S100A5: variants seen among roughly 807,000 people sequenced by gnomAD.
S100A5 encodes the protein protein S100-A5.
In S100A5, 5 loss-of-function variants were observed where a neutral mutation model predicts 6.7. That is an observed-to-expected ratio of 0.75 (90% CI 0.39 to 1.57). S100A5 has a LOEUF of 1.57. S100A5 is among the 40% of genes most tolerant of loss of function. The probability of loss-of-function intolerance (pLI) is 0.03; values close to 1 mark genes in which losing one functional copy is unlikely to be tolerated. For synonymous variants in S100A5, 49 were observed against 44.9 expected (o/e 1.09, Z -0.37); for missense variants, 129 against 110.8 (o/e 1.16, Z -0.74).
upstream of S100A5, chr1:153,543,400 C>A: frequency 5.2e-6 from 3 of 576,322 alleles, no homozygotes; most frequent in Non-Finnish European, 6.6e-6. Context: ...CAAACCTTGG[C>A]AGGGGGGTGG....
intron 2 of S100A5, 22 bp from the exon 3 acceptor site, chr1:153,537,458 A>G (rs774521985): frequency 8.1e-6 from 13 of 1,613,042 alleles, no homozygotes; most frequent in South Asian, 3.3e-5. Context: ...CCAGGTGGAG[A>G]GACAGCTCAG....
chr1:153,540,472 C>T (rs1017296945), intron 1 of S100A5, 149 bp downstream of exon 1: 1 of 296,768 alleles, frequency 3.4e-6, no homozygotes, highest in Non-Finnish European at 6.3e-6. Context: ...AGGCCTGAGG[C>T]AGAAAGATGA....
chr1:153,542,617 C>G (rs562710665), upstream of S100A5, among the ~76,000 whole-genome samples: 1 of 152,260 alleles, frequency 6.6e-6, no homozygotes, highest in Admixed American at 6.5e-5. Flanking sequence ...TGGGACAAAG[C>G]CCTCCAGCCT....
upstream of S100A5, chr1:153,541,883 G>A (rs1665402077): frequency 9.9e-6 from 10 of 1,009,122 alleles, no homozygotes; most frequent in Non-Finnish European, 1.1e-5. Context: ...GGGATCAGTG[G>A]AGGAAGATAT....
intron 2 of S100A5, among the ~76,000 whole-genome samples, chr1:153,537,912 TG>T (rs1441921246): frequency 2.0e-5 from 3 of 151,996 alleles, no homozygotes; most frequent in Admixed American, 2.0e-4. Context: ...CCAGGCATGG[TG>T]GTACATCCCT....
upstream of S100A5, among the ~76,000 whole-genome samples, chr1:153,543,417 G>A (rs1665450147): frequency 6.6e-6 from 1 of 152,090 alleles, no homozygotes; most frequent in Admixed American, 6.5e-5. Context: ...GTGGTGAGGG[G>A]TCCCCTTCTC....
rs1665347025 is a variant in S100A5, at chr1:153,540,381, C to T, written c.-14-176G>A. Among the ~76,000 whole-genome samples, 3 of 152,172 alleles carry T rather than the reference C, an allele frequency of 2.0e-5. No individual in the cohort carries two copies. The South Asian group carries it at 6.2e-4, about 31-fold the overall frequency. On this transcript the variant is annotated intron_variant, in intron 1 of 2. Transcript: ENST00000368717. ...AGGTTACAATGAGACCCACAACAAA[C>T]TCTGGAGCTGCTGGTACAAGGAGAA...
upstream of S100A5, chr1:153,541,432 C>T: frequency 1.5e-6 from 2 of 1,367,852 alleles, no homozygotes; most frequent in South Asian, 1.1e-5. Flanking sequence ...CATAGCCTCC[C>T]TCTCACTGCC....
Position 153,537,274 on chromosome 1 carries a change from T to C in S100A5, c.*22A>G. ...GAGGTCAGCAGCAAAGGGTGGAGGG[T>C]GAGGGTGGAGGGCAGCCCTGGTCAC... On this transcript the variant is annotated 3_prime_UTR_variant, in exon 3 of 3. Coordinates refer to ENST00000368717, the MANE Select transcript of S100A5 (RefSeq NM_001394232.1). 1.2e-6 allele frequency: 2 copies of C among 1,605,094 alleles called. No individual in the cohort carries two copies. The highest frequency in any genetic ancestry group is 8.5e-7 in the Non-Finnish European group (1 of 1,173,100).
upstream of S100A5, chr1:153,543,575 T>A: frequency 3.1e-6 from 2 of 647,954 alleles, no homozygotes; most frequent in South Asian, 1.9e-5. Context: ...AACATATCCC[T>A]CAGTCCCCAA....
At chr1:153,541,293 C>G (rs1414812503), upstream of S100A5, 1 of 1,067,472 alleles carries the variant, frequency 9.4e-7, no homozygotes. Context: ...GCCAGGCCTC[C>G]TTGGTGGAGG....
upstream of S100A5, chr1:153,543,601 TCTCTC>T (rs1665454942): frequency 1.3e-6 from 1 of 762,064 alleles, no homozygotes. Flanking sequence ...GCCCCCAGAG[TCTCTC>T]AAACCATCAG....
Position 153,540,151 on chromosome 1 carries a change from G to A in S100A5, c.41C>T (p.Thr14Ile), listed in dbSNP as rs768822698. ...TCTCCCCGAATATTTGTGAAACGTG[G>A]TCACCATAGTGGTCAGGGCCTTCTC... ...PLEKALTTMV[T>I]TFHKYSGREG... is the part of the protein sequence containing the mutation. Residue 14 changes from threonine to isoleucine, a missense_variant, in exon 2 of 3, where the codon ACC becomes ATC. Coordinates refer to ENST00000368717, the MANE Select transcript of S100A5 (RefSeq NM_001394232.1). 2.5e-6 allele frequency: 4 copies of A among 1,614,112 alleles called. No individual in the cohort carries two copies. The South Asian group carries it at 4.4e-5, about 18-fold the overall frequency.
upstream of S100A5, chr1:153,543,115 G>A: frequency 1.9e-6 from 1 of 534,928 alleles, no homozygotes; most frequent in Non-Finnish European, 2.4e-6. Context: ...TGATCTGGAA[G>A]TGGGTGGCAG....
In S100A5 at chr1:153,537,311, T is replaced by C. The variant is rs981844435; in HGVS notation, c.264A>G (p.Leu88=). 5.0e-6 allele frequency: 8 copies of C among 1,613,782 alleles called. No homozygotes were observed. The South Asian group carries it at 6.6e-5, about 13-fold the overall frequency. The stretch of plus-strand genomic sequence containing the variant: ...GCAGCCCTGGTCACTTGTTGTCCTC[T>C]AGAAAGAAGTCGTTGTAGGCCATGC... ...MLCMAYNDFF[L]EDNK The change falls in exon 3 of 3, where the codon CTA becomes CTG. Residue 88 remains leucine, a synonymous_variant. Transcript: ENST00000368717.
rs908514077 is a variant in S100A5, at chr1:153,537,399, A to G, written c.176T>C (p.Leu59Pro). 2.5e-6 allele frequency: 4 copies of G among 1,614,014 alleles called. No individual in the cohort carries two copies. The highest frequency in any genetic ancestry group is 3.4e-6 in the Non-Finnish European group (4 of 1,180,024). The change falls in exon 3 of 3, where the codon CTG becomes CCG. Residue 59 changes from leucine (L) to proline (P), a missense_variant. By Grantham distance (98) the Leu-to-Pro change is moderately conservative. Transcript: ENST00000368717. ...GATCTCCTGGTCGCTGTTCTTGTCC[A>G]GGCTCTTCATCAAGTCATCGATGCT... ...ESSIDDLMKSLDKNSDQEIDF... is the reference protein window; with the variant it reads ...ESSIDDLMKSPDKNSDQEIDF...
At chr1:153,541,516 G>C, upstream of S100A5, 1 of 1,347,204 alleles carries the variant, frequency 7.4e-7, no homozygotes, top group Non-Finnish European at 9.9e-7. Context: ...AGTTGTTGGG[G>C]ACTTGAGGAT....
rs758052107 is a variant in S100A5 at position 153,537,423 on chromosome 1, C to G, written c.152G>C (p.Ser51Thr). The change falls in exon 3 of 3, where the codon AGC (serine) becomes ACC (threonine). Residue 51 changes from serine (S) to threonine (T), a missense_variant. Physicochemically the swap from Ser to Thr is moderately conservative, Grantham distance 58. Transcript: ENST00000368717. ...ELCLGEMKES[S>T]IDDLMKSLDK... ...CAGGCTCTTCATCAAGTCATCGATGCTGCTCTCCTTCATCTTTTGTGGACC... is the reference window on the plus strand; with the variant it reads ...CAGGCTCTTCATCAAGTCATCGATGGTGCTCTCCTTCATCTTTTGTGGACC... The G allele has an allele frequency of 6.2e-7, 1 of 1,614,170 alleles. No individual in the cohort carries two copies.
chr1:153,541,659 T>C (rs1557890571), upstream of S100A5: 1 of 1,152,864 alleles, frequency 8.7e-7, no homozygotes, highest in Non-Finnish European at 1.1e-6. Flanking sequence ...CCAGAAACTT[T>C]ACTCTTCTGA....
Sources: gnomAD v4.1 joint callset for allele counts (sites outside exome capture counted in the v4.1 genomes callset) on GRCh38, gnomAD v4.1.1 for gene constraint, MANE v1.5 for transcripts, NCBI Gene and HGNC (gene_info 2026-07-23, HGNC 2026-07-21) for gene names.